The following PDHB variants were observed in gnomAD, a reference collection of about 807,000 sequenced individuals.
The protein encoded by PDHB is pyruvate dehydrogenase E1 subunit beta, also known as pyruvate dehydrogenase E1 component subunit beta, mitochondrial.
Under a neutral mutation model 42.8 loss-of-function variants are expected in PDHB, and 17 were observed. The observed-to-expected ratio is 0.40, with a 90% CI of 0.27 to 0.60. The LOEUF (loss-of-function observed/expected upper bound fraction) is 0.60. PDHB is among the 20% of genes least tolerant of loss of function. The pLI is 0.46. For missense variants in PDHB, 322 were observed against 451.3 expected (o/e 0.71, Z 2.60); for synonymous variants, 154 against 148.7 (o/e 1.04, Z -0.26).
chr3:58,428,586 A>G lies in PDHB; in HGVS notation c.821T>C (p.Met274Thr). The G allele has an allele frequency of 6.2e-7, 1 of 1,613,672 alleles. No homozygotes were observed. Among genetic ancestry groups the G allele is most frequent in the Non-Finnish European group, 8.5e-7 (1 of 1,179,562 alleles). ...EVINMRTIRP[M>T]DMETIEASVM... is the part of the protein sequence containing the mutation. ...ACTGGCTTCTATGGTTTCCATGTCC[A>G]TTGGTCTAATGGTACGCATATTTAT... is the stretch of plus-strand genomic sequence containing the variant. The change falls in exon 9 of 10, where the codon ATG becomes ACG. Residue 274 changes from methionine to threonine, a missense_variant. Around this residue, in one of 3 missense-constraint regions of PDHB, gnomAD observed 208 missense variants for 285.0 expected, o/e 0.73. Coordinates refer to ENST00000302746, the MANE Select transcript of PDHB (RefSeq NM_000925.4).
intron 9 of PDHB, 83 bp from the exon 10 acceptor site, chr3:58,428,262 A>T: frequency 7.3e-7 from 1 of 1,370,780 alleles, no homozygotes. Flanking sequence ...GCTGACCAGG[A>T]AGAGAAAATG....
At position 58,428,052 on chromosome 3, in the gene PDHB, C is replaced by A; in HGVS notation, c.1062G>T (p.Lys354Asn). The A allele has an allele frequency of 6.2e-7, 1 of 1,608,094 alleles. No homozygotes were observed. The highest frequency in any genetic ancestry group is 8.5e-7 in the Non-Finnish European group (1 of 1,174,502). Reference protein sequence around the residue: ...PQVKDIIFAIKKTLNI With the variant: ...PQVKDIIFAINKTLNI ...GTCCAAACTAAATATTTAATGTTTT[C>A]TTTATTGCAAATATGATGTCTTTGA... Residue 354 changes from lysine to asparagine, a missense_variant, in exon 10 of 10, where the codon AAG (lysine) becomes AAT (asparagine). Transcript: ENST00000302746.
In PDHB at chr3:58,433,754, G is replaced by A; in HGVS notation, c.42+14C>T. 6.2e-7 allele frequency: 1 copy of A among 1,612,314 alleles called. No homozygotes were observed. The highest frequency in any genetic ancestry group is 8.5e-7 in the Non-Finnish European group (1 of 1,179,592). ...GGGGTCGCGTGGGAATACAGGCCGCGCGCTGCTGCCTACCTCCCGAAGGGG... is the reference window on the plus strand; with the variant it reads ...GGGGTCGCGTGGGAATACAGGCCGCACGCTGCTGCCTACCTCCCGAAGGGG... On this transcript the variant is annotated intron_variant, in intron 1 of 9. Transcript: ENST00000302746.
intron 2 of PDHB, chr3:58,433,246 A>C (rs1022390312): frequency 9.2e-6 from 3 of 326,096 alleles, no homozygotes; most frequent in Admixed American, 4.7e-5. Context: ...GCTTGGGATG[A>C]TTAAAAAGTT....
intron 9 of PDHB, 80 bp from the exon 10 acceptor site, chr3:58,428,259 A>G (rs1560186464): frequency 2.9e-6 from 4 of 1,389,844 alleles, no homozygotes; most frequent in Admixed American, 1.7e-5. Context: ...GTGGCTGACC[A>G]GGAAGAGAAA....
intron 2 of PDHB, chr3:58,433,362 G>T (rs1203639219): frequency 1.7e-6 from 1 of 592,680 alleles, no homozygotes; most frequent in Non-Finnish European, 3.0e-6. Context: ...CTATTTTGCT[G>T]CAATTTAAAG....
At chr3:58,428,674 C>T in intron 8 of PDHB, 60 bp from the exon 9 acceptor site, 1 of 1,405,136 alleles carries the variant, frequency 7.1e-7, no homozygotes, top group Non-Finnish European at 1.0e-6. Flanking sequence ...AGCCTTATCC[C>T]CATAATACCA....
intron 9 of PDHB, 121 bp from the exon 10 acceptor site, chr3:58,428,300 T>A: frequency 8.2e-7 from 1 of 1,212,582 alleles, no homozygotes; most frequent in Admixed American, 1.8e-5. Context: ...GGGGAACCGC[T>A]TTCTGGATTT....
intron 2 of PDHB, 111 bp from the exon 3 acceptor site, chr3:58,432,095 G>T: frequency 1.3e-6 from 1 of 747,194 alleles, no homozygotes; most frequent in Non-Finnish European, 2.4e-6. Flanking sequence ...AAAAACACTA[G>T]AACAAGCTTC....
In PDHB at chr3:58,431,866, A is replaced by AT; in HGVS notation, c.204+10dup. 1.2e-6 allele frequency: 2 copies of AT among 1,609,046 alleles called. No individual in the cohort carries two copies. Among genetic ancestry groups the AT allele is most frequent in the South Asian group, 2.2e-5 (2 of 90,982 alleles). On this transcript the variant is annotated intron_variant, in intron 3 of 9. Coordinates refer to ENST00000302746, the MANE Select transcript of PDHB (RefSeq NM_000925.4). The surrounding 1 kb of genome is among the most constrained non-coding windows in gnomAD (Gnocchi z 4.4). ...CCTCAATTTTGTATAACTTTCATAT[A>AT]TTTTAGTTACCTTGTATGCCCCATC...
In PDHB at chr3:58,432,408, A is replaced by G. The variant is rs1025891974; in HGVS notation, c.97-424T>C. On this transcript the variant is annotated intron_variant, in intron 2 of 9. Transcript: ENST00000302746. ...CACAGCAGCATTACTCACAATAGACAAAACAAGGCCAGGCACGGTGGCTCA... is the reference window on the plus strand; with the variant it reads ...CACAGCAGCATTACTCACAATAGACGAAACAAGGCCAGGCACGGTGGCTCA... The G allele has an allele frequency of 1.5e-5, 4 of 259,234 alleles. No homozygotes were observed. In the East Asian group the frequency reaches 4.2e-4, roughly 27 times the overall value. 16.1% of individuals were successfully genotyped at this position (259,234 alleles called of 1,614,324 possible). A position where few individuals can be genotyped will look rare whatever the true frequency, so the allele number is the denominator to read the frequency against.
chr3:58,429,969 CTG>C (rs1560187427), intron 7 of PDHB, 157 bp downstream of exon 7: 2 of 731,104 alleles, frequency 2.7e-6, no homozygotes, highest in Non-Finnish European at 5.0e-6. Context: ...ACCTACCAGA[CTG>C]AGATCTAGAA....
chr3:58,427,844 T>C lies in PDHB; in HGVS notation c.*190A>G, dbSNP rs1396446163. 6.1e-6 allele frequency: 4 copies of C among 659,448 alleles called. No homozygotes were observed. The highest frequency in any genetic ancestry group is 8.3e-6 in the Non-Finnish European group (3 of 359,996). 40.8% of individuals were successfully genotyped at this position (659,448 alleles called of 1,614,324 possible). A position where few individuals can be genotyped will look rare whatever the true frequency, so the allele number is the denominator to read the frequency against. On this transcript the variant is annotated 3_prime_UTR_variant, in exon 10 of 10. Transcript: ENST00000302746. ...CAACCGTAACAGACAAAAGGAAGCA[T>C]GGCATCTAGGGGAGGAGAGTGGAGA...
Position 58,428,162 on chromosome 3 carries a change from G to A in PDHB, c.952C>T (p.Leu318=). 3.1e-6 allele frequency: 5 copies of A among 1,614,106 alleles called. No homozygotes were observed. Among genetic ancestry groups the A allele is most frequent in the Non-Finnish European group, 4.2e-6 (5 of 1,179,934 alleles). The change falls in exon 10 of 10, where the codon CTG becomes TTG. Residue 318 remains leucine, a synonymous_variant. Coordinates refer to ENST00000302746, the MANE Select transcript of PDHB (RefSeq NM_000925.4). The part of the protein sequence containing the change: ...RIMEGPAFNF[L]DAPAVRVTGA... The stretch of plus-strand genomic sequence containing the variant: ...GTGACACGAACAGCAGGAGCATCCA[G>A]GAAATTGAACGCAGGACCTAGGAGA...
At position 58,431,382 on chromosome 3, in the gene PDHB, C is replaced by A; in HGVS notation, c.303+211G>T. On this transcript the variant is annotated intron_variant, in intron 5 of 9. Transcript: ENST00000302746. The surrounding 1 kb of genome is among the most constrained non-coding windows in gnomAD (Gnocchi z 4.4). ...TGGCCAACATGGTAAAACCCCATCT[C>A]TACTAAAAACACAAAAATTGGCTAG... 1 of 557,278 alleles carries A rather than the reference C, an allele frequency of 1.8e-6. No individual in the cohort carries two copies. Among genetic ancestry groups the A allele is most frequent in the Non-Finnish European group, 3.2e-6 (1 of 311,904 alleles). 34.5% of individuals were successfully genotyped at this position (557,278 alleles called of 1,614,324 possible).
rs143972496 is a variant in PDHB, at chr3:58,432,522, C to G, written c.97-538G>C. 2.0e-4 allele frequency: 35 copies of G among 171,060 alleles called. 1 individual carries two copies. Among genetic ancestry groups the G allele is most frequent in the African/African-American group, 8.4e-4 (35 of 41,498 alleles). The allele number at this position is 171,060 out of a possible 1,614,324, so 10.6% of individuals were successfully genotyped here. Reference sequence around the variant, plus strand: ...GACCACCCTGGCCAACATGGTGAAACCCATTCTCTACTAAAAATACAAAAA... The same window carrying G: ...GACCACCCTGGCCAACATGGTGAAAGCCATTCTCTACTAAAAATACAAAAA... On this transcript the variant is annotated intron_variant, in intron 2 of 9. Transcript: ENST00000302746.
rs1423162851 is a variant in PDHB, at chr3:58,433,778, G to A, written c.32C>T (p.Pro11Leu). The change falls in exon 1 of 10, where the codon CCC (proline) becomes CTC (leucine). Residue 11 changes from proline to leucine, a missense_variant. Pro to Leu is a moderately conservative substitution (Grantham distance 98). Around this residue, in one of 3 missense-constraint regions of PDHB, gnomAD observed 58 missense variants for 42.1 expected, o/e 1.38. Coordinates refer to ENST00000302746, the MANE Select transcript of PDHB (RefSeq NM_000925.4). ...CGCGCTGCTGCCTACCTCCCGAAGG[G>A]GTCTCCGCACCAAGCCAGACACCGC... MAAVSGLVRR[P>L]LREVSGLLKR... 2.5e-6 allele frequency: 4 copies of A among 1,612,378 alleles called. No individual in the cohort carries two copies. The highest frequency in any genetic ancestry group is 3.4e-6 in the Non-Finnish European group (4 of 1,179,606).
Position 58,430,670 on chromosome 3 carries a change from C to T in PDHB, c.576G>A (p.Arg192=). The T allele has an allele frequency of 6.2e-7, 1 of 1,613,518 alleles. No individual in the cohort carries two copies. The highest frequency in any genetic ancestry group is 8.5e-7 in the Non-Finnish European group (1 of 1,179,984). ...CCCTGTGCTGACCTGGATTGTTATC[C>T]CGAATGGCTGATTTAATAAGTCCTT... is the stretch of plus-strand genomic sequence containing the variant. ...DAKGLIKSAI[R]DNNPVVVLEN... is the part of the protein sequence containing the mutation. Residue 192 remains arginine (R), a synonymous_variant, in exon 6 of 10, where the codon CGG becomes CGA. Coordinates refer to ENST00000302746, the MANE Select transcript of PDHB (RefSeq NM_000925.4).
chr3:58,429,880 G>A (rs2062905297), intron 7 of PDHB, 81 bp from the exon 8 acceptor site: 2 of 871,478 alleles, frequency 2.3e-6, no homozygotes, highest in African/African-American at 1.6e-5. Flanking sequence ...TGTGGCTCTT[G>A]TTCATTCATA....
Sources: gnomAD v4.1 joint callset for allele counts on GRCh38, gnomAD v4.1.1 for gene constraint, gnomAD v4.1.1 regional missense constraint, Gnocchi (gnomAD v3.1) non-coding constraint, MANE v1.5 for transcripts, NCBI Gene and HGNC (gene_info 2026-07-23, HGNC 2026-07-21) for gene names.